The following STX8 variants were observed in gnomAD, a reference collection of about 807,000 sequenced individuals.
STX8 encodes syntaxin-8.
In STX8, 23 loss-of-function variants were observed where a neutral mutation model predicts 37.5. That is an observed-to-expected ratio of 0.61 (90% CI 0.44 to 0.87). The LOEUF (loss-of-function observed/expected upper bound fraction) is 0.87. STX8 is among the 40% of genes least tolerant of loss of function. STX8 has a pLI of 0.00. For missense variants in STX8, 313 were observed against 284.7 expected (o/e 1.10, Z -0.71); for synonymous variants, 115 against 99.1 (o/e 1.16, Z -0.95).
intron 7 of STX8, among the ~76,000 whole-genome samples, chr17:9,362,836 A>ATAAATAAAT (rs1555601139): frequency 7.0e-4 from 75 of 106,882 alleles, no homozygotes; most frequent in African/African-American, 4.3e-3. Flanking sequence ...CTCAAAAAAA[A>ATAAATAAAT]AAAAAAATAA....
At chr17:9,321,256 G>A (rs1484291155) in intron 7 of STX8, among the ~76,000 whole-genome samples, 1 of 152,046 alleles carries the variant, frequency 6.6e-6, no homozygotes, top group Non-Finnish European at 1.5e-5. Flanking sequence ...TAGGCCAGGC[G>A]CAGTGGCTGA....
At chr17:9,330,293 G>C (rs781085158) in intron 7 of STX8, among the ~76,000 whole-genome samples, 1 of 152,132 alleles carries the variant, frequency 6.6e-6, no homozygotes, top group Non-Finnish European at 1.5e-5. Context: ...AATAGGGTAG[G>C]CCACAGTAGC....
At chr17:9,415,578 G>A (rs959298450) in intron 6 of STX8, among the ~76,000 whole-genome samples, 2 of 152,028 alleles carry the variant, frequency 1.3e-5, no homozygotes. Flanking sequence ...GAGCATCCTG[G>A]TTAACACAGT....
intron 7 of STX8, among the ~76,000 whole-genome samples, chr17:9,365,817 C>CA (rs1192050900): frequency 6.6e-6 from 1 of 152,068 alleles, no homozygotes; most frequent in Non-Finnish European, 1.5e-5. Flanking sequence ...ATTAAAAATA[C>CA]AAAAAAGTAG....
chr17:9,428,396 A>G (rs1253014600), intron 6 of STX8, among the ~76,000 whole-genome samples: 3 of 152,058 alleles, frequency 2.0e-5, no homozygotes, highest in African/African-American at 7.2e-5. Flanking sequence ...ACCCGCCACC[A>G]CGCCCGGCTA....
At chr17:9,462,003 C>T (rs913135781) in intron 6 of STX8, among the ~76,000 whole-genome samples, 2 of 152,010 alleles carry the variant, frequency 1.3e-5, no homozygotes, top group African/African-American at 4.8e-5. Flanking sequence ...GGAGCTCAGG[C>T]GGTAATGCAA....
At chr17:9,400,333 C>T (rs998549989) in intron 6 of STX8, among the ~76,000 whole-genome samples, 1 of 151,908 alleles carries the variant, frequency 6.6e-6, no homozygotes, top group Non-Finnish European at 1.5e-5. Context: ...GATCTCCTGA[C>T]CTTGTGATCC....
chr17:9,544,886 T>C (rs1030059390), intron 4 of STX8, among the ~76,000 whole-genome samples: 2 of 151,826 alleles, frequency 1.3e-5, no homozygotes, highest in Non-Finnish European at 2.9e-5. Flanking sequence ...TCCCAACTAC[T>C]TGGGAGGCTG....
At chr17:9,327,204 GAAGGAGGAA>G in intron 7 of STX8, among the ~76,000 whole-genome samples, 2 of 148,032 alleles carry the variant, frequency 1.4e-5, no homozygotes, top group African/African-American at 5.0e-5. Flanking sequence ...GAAGAAGGAA[GAAGGAGGAA>G]GAAGGAGGAA....
At chr17:9,292,531 TAA>T (rs1264625346) in intron 7 of STX8, among the ~76,000 whole-genome samples, 1 of 152,164 alleles carries the variant, frequency 6.6e-6, no homozygotes, top group Non-Finnish European at 1.5e-5. Flanking sequence ...GCAGACAAAA[TAA>T]AGAGGAGGCA....
chr17:9,398,334 C>A (rs1162741699), intron 6 of STX8, among the ~76,000 whole-genome samples: 1 of 152,160 alleles, frequency 6.6e-6, no homozygotes, highest in Non-Finnish European at 1.5e-5. Context: ...CAACTCATAA[C>A]CCCAGTGTTA....
chr17:9,278,516 G>A (rs1907763815), intron 7 of STX8, among the ~76,000 whole-genome samples: 1 of 152,108 alleles, frequency 6.6e-6, no homozygotes, highest in African/African-American at 2.4e-5. Context: ...AGCAAGGGCG[G>A]CTATAGTGAG....
chr17:9,378,196 A>G (rs1171865641), intron 7 of STX8: 2 of 188,880 alleles, frequency 1.1e-5, no homozygotes, highest in African/African-American at 4.7e-5. Flanking sequence ...AACTCAATTA[A>G]GCTTGTGGTT....
chr17:9,469,265 G>C (rs191017465), intron 6 of STX8: 1 of 152,038 alleles, frequency 6.6e-6, no homozygotes. Context: ...GTGCTGTCCT[G>C]ACCCACTTTA....
At chr17:9,528,390 C>T (rs140887089) in intron 4 of STX8, among the ~76,000 whole-genome samples, 10 of 152,286 alleles carry the variant, frequency 6.6e-5, no homozygotes, top group South Asian at 2.1e-4. Context: ...CTCCGCCTCC[C>T]GAGTTCAAGC....
At chr17:9,381,487 T>C (rs1168075782) in intron 6 of STX8, among the ~76,000 whole-genome samples, 1 of 152,156 alleles carries the variant, frequency 6.6e-6, no homozygotes, top group Non-Finnish European at 1.5e-5. Context: ...AGGAGTTGGG[T>C]GCTCCTGCTT....
intron 6 of STX8, among the ~76,000 whole-genome samples, chr17:9,485,743 A>G (rs939579533): frequency 6.6e-6 from 1 of 151,816 alleles, no homozygotes; most frequent in Non-Finnish European, 1.5e-5. Context: ...GTGCCACCAC[A>G]CCCAGCTAAT....
chr17:9,298,744 G>A (rs1419531053), intron 7 of STX8, among the ~76,000 whole-genome samples: 5 of 152,098 alleles, frequency 3.3e-5, no homozygotes, highest in Non-Finnish European at 4.4e-5. Flanking sequence ...ACCAGAAGGC[G>A]GAGGTTGCAG....
At chr17:9,344,195 G>C (rs1434033637) in intron 7 of STX8, among the ~76,000 whole-genome samples, 1 of 151,786 alleles carries the variant, frequency 6.6e-6, no homozygotes, top group Non-Finnish European at 1.5e-5. Flanking sequence ...AGGAGGAAGG[G>C]GTCAAGACCA....
Sources: allele counts gnomAD v4.1 joint callset (sites outside exome capture counted in the v4.1 genomes callset), GRCh38; gene constraint gnomAD v4.1.1; transcripts MANE v1.5; gene names NCBI Gene and HGNC (gene_info 2026-07-23, HGNC 2026-07-21).